The following ZMYM6 variants were observed in gnomAD, a reference collection of about 807,000 sequenced individuals.
ZMYM6 encodes zinc finger MYM-type protein 6.
Under a neutral mutation model 134.0 loss-of-function variants are expected in ZMYM6, and 90 were observed. That is an observed-to-expected ratio of 0.67 (90% CI 0.57 to 0.80). The LOEUF is 0.80. Ranked by LOEUF, ZMYM6 falls within the 30% of genes least tolerant of loss-of-function variation. The pLI, the probability that ZMYM6 is intolerant of heterozygous loss-of-function variation, is 0.00. For missense variants in ZMYM6, 1,362 were observed against 1,533.9 expected, an observed-to-expected ratio of 0.89 and a Z score of 1.87; for synonymous variants, 481 against 524.1, an observed-to-expected ratio of 0.92 and a Z score of 1.12.
intron 13 of ZMYM6, among the ~76,000 whole-genome samples, chr1:35,004,708 G>A (rs1384759058): frequency 1.3e-5 from 2 of 152,126 alleles, no homozygotes; most frequent in East Asian, 1.9e-4. Flanking sequence ...CGGGGGTGGG[G>A]AGGCGGTGGG....
intron 1 of ZMYM6, among the ~76,000 whole-genome samples, chr1:35,030,952 G>C (rs1641511348): frequency 1.3e-5 from 2 of 152,134 alleles, no homozygotes; most frequent in African/African-American, 4.8e-5. Context: ...ACACACTCTG[G>C]TTTTTTCCTA....
Position 35,014,756 on chromosome 1 carries a change from A to G in ZMYM6, c.736T>C (p.Ser246Pro). 6.2e-7 allele frequency: 1 copy of G among 1,614,212 alleles called. No individual in the cohort carries two copies. Among genetic ancestry groups the G allele is most frequent in the South Asian group, 1.1e-5 (1 of 91,088 alleles). Residue 246 changes from serine to proline, a missense_variant, in exon 6 of 16, where the codon TCT becomes CCT. This residue lies in a region of ZMYM6 where 503 missense variants were observed against 520.8 expected (regional missense o/e 0.97). Coordinates refer to ENST00000357182, the MANE Select transcript of ZMYM6 (RefSeq NM_007167.4). ...ENCGSYCYSS[S>P]GPCQSQKVFS... ...ACCTTCTGGGATTGGCAAGGACCAG[A>G]GCTACTATAGCAATAGCTCCCACAG...
chr1:35,031,395 G>A (rs917571528), intron 1 of ZMYM6: 2 of 152,176 alleles, frequency 1.3e-5, no homozygotes, highest in African/African-American at 4.8e-5. Context: ...AAAAGTCAAA[G>A]AACTAAACGG....
chr1:35,001,582 A>T (rs1349512549), intron 14 of ZMYM6, among the ~76,000 whole-genome samples: 1 of 152,194 alleles, frequency 6.6e-6, no homozygotes, highest in Admixed American at 6.5e-5. Flanking sequence ...AATACATGTT[A>T]ATACTTACTA....
chr1:35,020,615 C>A, intron 2 of ZMYM6, 148 bp from the exon 3 acceptor site: 1 of 609,310 alleles, frequency 1.6e-6, no homozygotes, highest in South Asian at 2.8e-5. Context: ...CTTGGGTGCC[C>A]AGGCTGAAGT....
intron 2 of ZMYM6, among the ~76,000 whole-genome samples, chr1:35,028,230 C>G (rs1641449490): frequency 6.6e-6 from 1 of 151,012 alleles, no homozygotes; most frequent in African/African-American, 2.4e-5. Flanking sequence ...GCAGGAGAAT[C>G]GCTTGAACCT....
intron 2 of ZMYM6, among the ~76,000 whole-genome samples, chr1:35,024,693 C>G (rs191359851): frequency 9.7e-4 from 147 of 152,230 alleles, no homozygotes; most frequent in South Asian, 1.5e-3. Context: ...CCCTCCATGA[C>G]GTGGCTATTT....
At chr1:35,013,509 A>T in intron 6 of ZMYM6, 1 of 985,402 alleles carries the variant, frequency 1.0e-6, no homozygotes, top group South Asian at 4.7e-5. Context: ...AATAACATGG[A>T]TTCTTTTCCT....
rs1569732145 is a variant in ZMYM6 at position 34,988,169 on chromosome 1, A to G, written c.2913T>C (p.Asn971=). ...TACAGAGACCAACACAATGTTTCCA[A>G]TTCAGAGATTTACTATCAATATATT... ...INKYIDSKSL[N]WKHCVGLCTD... is the part of the protein sequence containing the mutation. The change falls in exon 16 of 16, where the codon AAT becomes AAC. Residue 971 remains asparagine (N), a synonymous_variant. Coordinates refer to ENST00000357182, the MANE Select transcript of ZMYM6 (RefSeq NM_007167.4). 3 of 1,549,936 alleles carry G rather than the reference A, an allele frequency of 1.9e-6. No individual in the cohort carries two copies. The highest frequency in any genetic ancestry group is 1.7e-6 in the Non-Finnish European group (2 of 1,146,234).
Position 35,008,882 on chromosome 1 carries a change from C to T in ZMYM6, c.1535G>A (p.Gly512Glu), listed in dbSNP as rs1257368407. ...GTAGCTGCACATCTTACAGTAGTTT[C>T]CCCATCGTTCTCCAAAGTCACGGGC... ...LSARDFGERWGNYCKMCSYCS... is the reference protein window; with the variant it reads ...LSARDFGERWENYCKMCSYCS... Residue 512 changes from glycine to glutamate, a missense_variant, in exon 11 of 16, where the codon GGA (glycine) becomes GAA (glutamate). This residue lies in a region of ZMYM6 where 824 missense variants were observed against 940.9 expected (regional missense o/e 0.88). Coordinates refer to ENST00000357182, the MANE Select transcript of ZMYM6 (RefSeq NM_007167.4). The T allele has an allele frequency of 1.2e-6, 2 of 1,613,654 alleles. No individual in the cohort carries two copies. Among genetic ancestry groups the T allele is most frequent in the Admixed American group, 3.3e-5 (2 of 59,950 alleles).
intron 2 of ZMYM6, chr1:35,030,310 T>C (rs1489165017): frequency 2.2e-6 from 1 of 461,724 alleles, no homozygotes; most frequent in Non-Finnish European, 3.8e-6. Context: ...GTGTGCCCTG[T>C]GGTCCCAGCT....
rs1640585558 is a variant in ZMYM6 at position 34,986,758 on chromosome 1, A to G, written c.*346T>C. 6.3e-6 allele frequency: 1 copy of G among 159,018 alleles called. No individual in the cohort carries two copies. Among genetic ancestry groups the G allele is most frequent in the Non-Finnish European group, 1.4e-5 (1 of 72,978 alleles). 9.9% of individuals were successfully genotyped at this position (159,018 alleles called of 1,614,324 possible). ...ACCTACTCACAACCTTGCAGGGGTA[A>G]GTAGCTGGTTGGCTAGAAGACTGAA... is the stretch of plus-strand genomic sequence containing the variant. On this transcript the variant is annotated 3_prime_UTR_variant, in exon 16 of 16. Transcript: ENST00000357182.
intron 14 of ZMYM6, among the ~76,000 whole-genome samples, chr1:35,000,387 T>C (rs973131245): frequency 3.3e-5 from 5 of 151,922 alleles, no homozygotes; most frequent in Admixed American, 3.3e-4. Flanking sequence ...CTAGAGGCAC[T>C]TGCCACCACC....
In ZMYM6 at chr1:35,019,371, G is replaced by A. The variant is rs770193008; in HGVS notation, c.410C>T (p.Thr137Ile). The change falls in exon 4 of 16, where the codon ACC (threonine) becomes ATC (isoleucine). Residue 137 changes from threonine (T) to isoleucine (I), a missense_variant. Thr to Ile is a moderately conservative substitution (Grantham distance 89). This residue lies in a region of ZMYM6 where 503 missense variants were observed against 520.8 expected (regional missense o/e 0.97). Transcript: ENST00000357182. Reference sequence around the variant, plus strand: ...TTTATACTTCGAGCAGTTTGTGCAGGTTTTCTTGGGAGGAGGTGGCAGGCA... The same window carrying A: ...TTTATACTTCGAGCAGTTTGTGCAGATTTTCTTGGGAGGAGGTGGCAGGCA... Reference protein sequence around the residue: ...PACLPPPPKKTCTNCSKDILN... With the variant: ...PACLPPPPKKICTNCSKDILN... The A allele has an allele frequency of 6.2e-7, 1 of 1,614,196 alleles. No individual in the cohort carries two copies.
chr1:34,987,411 T>C lies in ZMYM6; in HGVS notation c.3671A>G (p.Asn1224Ser), dbSNP rs776126494. 5.0e-6 allele frequency: 8 copies of C among 1,614,064 alleles called. 1 individual carries two copies. In the South Asian group the frequency reaches 6.6e-5, roughly 13 times the overall value. Residue 1224 changes from asparagine to serine, a missense_variant, in exon 16 of 16, where the codon AAT becomes AGT. Asn to Ser is a conservative substitution (Grantham distance 46). Around this residue, in one of 3 missense-constraint regions of ZMYM6, gnomAD observed 824 missense variants for 940.9 expected, o/e 0.88. Coordinates refer to ENST00000357182, the MANE Select transcript of ZMYM6 (RefSeq NM_007167.4). ...TTCTTCGAAGTCGGTGAGATTATTATTTTGGTGATTCATAAAAGGGTGAAT... is the reference window on the plus strand; with the variant it reads ...TTCTTCGAAGTCGGTGAGATTATTACTTTGGTGATTCATAAAAGGGTGAAT... ...WIIHPFMNHQ[N>S]NNLTDFEEEK...
At chr1:34,992,106 G>T in intron 15 of ZMYM6, 128 bp downstream of exon 15, 2 of 1,203,458 alleles carry the variant, frequency 1.7e-6, no homozygotes, top group Non-Finnish European at 2.4e-6. Flanking sequence ...TTCAAAGCAT[G>T]TGATCCAAGA....
intron 4 of ZMYM6, chr1:35,017,931 T>C (rs1272168417): frequency 6.6e-6 from 1 of 152,328 alleles, no homozygotes; most frequent in African/African-American, 2.4e-5. Flanking sequence ...GTTGAAACAA[T>C]ATCTAAAAAT....
At chr1:35,011,230 T>C (rs1332181528) in intron 8 of ZMYM6, among the ~76,000 whole-genome samples, 194 bp from the exon 9 acceptor site, 2 of 152,152 alleles carry the variant, frequency 1.3e-5, no homozygotes, top group Non-Finnish European at 2.9e-5. Flanking sequence ...GGTCAAGGAC[T>C]GGAATTCAGG....
In ZMYM6 at chr1:35,012,687, AAT is replaced by A. The variant is rs1641108051; in HGVS notation, c.796-108_796-107del. 3.0e-5 allele frequency: 44 copies of A among 1,484,962 alleles called. No individual in the cohort carries two copies. In the South Asian group the frequency reaches 6.2e-4, roughly 21 times the overall value. 92.0% of individuals were successfully genotyped at this position (1,484,962 alleles called of 1,614,324 possible). On this transcript the variant is annotated intron_variant, in intron 6 of 15. Coordinates refer to ENST00000357182, the MANE Select transcript of ZMYM6 (RefSeq NM_007167.4). ...ACCTACAACCACGGTCCTTGGTTGA[AAT>A]ATTTGAGCATGATGATGAAACCACA...
Sources: gnomAD v4.1 joint callset for allele counts (sites outside exome capture counted in the v4.1 genomes callset) on GRCh38, gnomAD v4.1.1 for gene constraint, gnomAD v4.1.1 regional missense constraint, MANE v1.5 for transcripts, NCBI Gene and HGNC (gene_info 2026-07-23, HGNC 2026-07-21) for gene names.